Variants in CCDC192 observed in about 807,000 individuals in gnomAD.
The protein encoded by CCDC192 is coiled-coil domain containing 192.
intron 3 of CCDC192, among the ~76,000 whole-genome samples, chr5:127,755,915 G>A (rs1488359291): frequency 1.3e-5 from 2 of 151,882 alleles, no homozygotes; most frequent in South Asian, 2.1e-4. Flanking sequence ...GGTGGATCAC[G>A]AGGTCAAGAG....
At chr5:127,760,636 G>A (rs1417198968) in intron 3 of CCDC192, among the ~76,000 whole-genome samples, 1 of 147,348 alleles carries the variant, frequency 6.8e-6, no homozygotes, top group African/African-American at 2.5e-5. Context: ...AATTCGCCGG[G>A]CATGGTGGCA....
chr5:127,844,599 A>G (rs1022710179), intron 5 of CCDC192, among the ~76,000 whole-genome samples: 5 of 152,196 alleles, frequency 3.3e-5, no homozygotes, highest in African/African-American at 1.2e-4. Flanking sequence ...CTCATCCAGC[A>G]CTAGGCTGGA....
At chr5:127,922,195 G>A (rs1009291468) in intron 6 of CCDC192, among the ~76,000 whole-genome samples, 1 of 152,090 alleles carries the variant, frequency 6.6e-6, no homozygotes, top group South Asian at 2.1e-4. Context: ...TGATACAGTT[G>A]TGACTTTCCC....
At chr5:127,831,159 T>C (rs762964504) in intron 5 of CCDC192, among the ~76,000 whole-genome samples, 2 of 152,170 alleles carry the variant, frequency 1.3e-5, no homozygotes, top group Non-Finnish European at 2.9e-5. Flanking sequence ...AAAAACAAAT[T>C]TTTCTCCTTA....
At chr5:127,927,013 C>A (rs891976667) in intron 6 of CCDC192, among the ~76,000 whole-genome samples, 2 of 152,108 alleles carry the variant, frequency 1.3e-5, no homozygotes, top group Non-Finnish European at 2.9e-5. Context: ...AGTAGATGAA[C>A]TTGAAGCAAA....
chr5:127,769,251 A>T (rs982536532), intron 3 of CCDC192, among the ~76,000 whole-genome samples: 1 of 152,226 alleles, frequency 6.6e-6, no homozygotes, highest in African/African-American at 2.4e-5. Flanking sequence ...GAAGTCTTTT[A>T]TCTTTGTGGC....
At chr5:127,763,417 T>C (rs1755040670) in intron 3 of CCDC192, among the ~76,000 whole-genome samples, 1 of 152,160 alleles carries the variant, frequency 6.6e-6, no homozygotes, top group African/African-American at 2.4e-5. Context: ...TTTTTCTCTA[T>C]CTCCACTATC....
chr5:127,834,559 C>T (rs1010910500), intron 5 of CCDC192, among the ~76,000 whole-genome samples: 7 of 152,124 alleles, frequency 4.6e-5, no homozygotes, highest in African/African-American at 7.2e-5. Context: ...AGAAGACATA[C>T]AAATGTGTTT....
intron 6 of CCDC192, among the ~76,000 whole-genome samples, chr5:127,934,055 A>G (rs545959112): frequency 6.6e-6 from 1 of 152,328 alleles, no homozygotes; most frequent in African/African-American, 2.4e-5. Context: ...ACTGCTTCCT[A>G]CATGGTCTCT....
At chr5:127,901,656 C>G (rs979704297) in intron 6 of CCDC192, among the ~76,000 whole-genome samples, 1 of 152,202 alleles carries the variant, frequency 6.6e-6, no homozygotes, top group African/African-American at 2.4e-5. Context: ...ATCCAAGAAT[C>G]TTCTCTTCCT....
intron 2 of CCDC192, among the ~76,000 whole-genome samples, chr5:127,741,822 G>A (rs1392240298): frequency 6.6e-6 from 1 of 152,090 alleles, no homozygotes; most frequent in South Asian, 2.1e-4. Flanking sequence ...TGTTACTAGA[G>A]ATAGACCTGG....
intron 5 of CCDC192, among the ~76,000 whole-genome samples, chr5:127,826,808 A>G (rs952467180): frequency 6.6e-6 from 1 of 151,910 alleles, no homozygotes; most frequent in Admixed American, 6.6e-5. Context: ...ATAATAATAA[A>G]ATAAAATATT....
chr5:127,741,271 C>T (rs1254428390), intron 2 of CCDC192, among the ~76,000 whole-genome samples: 1 of 152,102 alleles, frequency 6.6e-6, no homozygotes, highest in African/African-American at 2.4e-5. Flanking sequence ...CCATGTTGCA[C>T]AGGCTGATCT....
chr5:127,754,490 C>T (rs910322224), intron 3 of CCDC192, 115 bp downstream of exon 3: 171 of 347,046 alleles, frequency 4.9e-4, no homozygotes, highest in Admixed American at 3.5e-3. Flanking sequence ...CACACACACA[C>T]ACATACACAC....
At chr5:127,859,168 T>C (rs1751248351) in intron 5 of CCDC192, among the ~76,000 whole-genome samples, 1 of 152,224 alleles carries the variant, frequency 6.6e-6, no homozygotes, top group Non-Finnish European at 1.5e-5. Flanking sequence ...CTGAGATGTT[T>C]ATGTAGACAA....
intron 2 of CCDC192, among the ~76,000 whole-genome samples, chr5:127,723,929 T>C (rs1402768509): frequency 3.3e-5 from 5 of 152,240 alleles, no homozygotes; most frequent in Non-Finnish European, 7.3e-5. Context: ...AGTCCATTGG[T>C]TATTTTGAAA....
chr5:127,860,526 G>T (rs777760817), intron 5 of CCDC192, among the ~76,000 whole-genome samples: 4 of 152,094 alleles, frequency 2.6e-5, no homozygotes, highest in Non-Finnish European at 5.9e-5. Flanking sequence ...ACCACTTCTA[G>T]TAGAACTTTC....
At chr5:127,926,513 G>C (rs1301152326) in intron 6 of CCDC192, among the ~76,000 whole-genome samples, 2 of 152,184 alleles carry the variant, frequency 1.3e-5, no homozygotes, top group Admixed American at 1.3e-4. Context: ...GGAGCATGTT[G>C]CATGACCTAA....
chr5:127,913,119 T>G (rs997906469), intron 6 of CCDC192, among the ~76,000 whole-genome samples: 1 of 152,204 alleles, frequency 6.6e-6, no homozygotes, highest in Non-Finnish European at 1.5e-5. Context: ...GATATGAACT[T>G]AAGTCCCAGC....
Sources: allele counts gnomAD v4.1 joint callset (sites outside exome capture counted in the v4.1 genomes callset), GRCh38; gene constraint gnomAD v4.1.1; transcripts MANE v1.5; gene names NCBI Gene and HGNC (gene_info 2026-07-23, HGNC 2026-07-21).